Variants in ADGRL1 observed in about 807,000 individuals in gnomAD.
ADGRL1 encodes adhesion G protein-coupled receptor L1.
ADGRL1 carries 31 observed loss-of-function variants against 148.9 expected under a neutral mutation model. The ratio of observed to expected loss-of-function variants is 0.21; its 90% confidence interval spans 0.16 to 0.28. The LOEUF (loss-of-function observed/expected upper bound fraction) is 0.28, where lower values mean the gene tolerates loss of function less well. Ranked by LOEUF, ADGRL1 falls within the 10% of genes least tolerant of loss-of-function variation. ADGRL1 has a pLI of 1.00. For missense variants in ADGRL1, 1,521 were observed against 2,058.8 expected (o/e 0.74, Z 5.05); for synonymous variants, 937 against 900.3 (o/e 1.04, Z -0.73).
intron 4 of ADGRL1, among the ~76,000 whole-genome samples, chr19:14,165,685 A>T (rs1212401053): frequency 1.3e-5 from 2 of 148,356 alleles, no homozygotes; most frequent in East Asian, 2.0e-4. Flanking sequence ...AGGGAGAGAG[A>T]CTCCAGGAGA....
chr19:14,183,512 C>G, intron 2 of ADGRL1, 21 bp downstream of exon 2: 2 of 1,557,154 alleles, frequency 1.3e-6, no homozygotes, highest in Non-Finnish European at 1.7e-6. Context: ...GCGGCCCCTC[C>G]CCGGCCCCAG....
chr19:14,158,197 C>T, intron 12 of ADGRL1, 141 bp downstream of exon 12: 1 of 1,225,306 alleles, frequency 8.2e-7, no homozygotes, highest in Non-Finnish European at 1.2e-6. Context: ...TCTGAGAGCT[C>T]TGGGGACAAA....
chr19:14,201,063 G>C (rs1972570288), intron 1 of ADGRL1, among the ~76,000 whole-genome samples: 1 of 152,140 alleles, frequency 6.6e-6, no homozygotes, highest in African/African-American at 2.4e-5. Flanking sequence ...AAGAGGCTAG[G>C]GTGGCCTCTG....
At chr19:14,186,963 CCT>C (rs1212428543) in intron 1 of ADGRL1, among the ~76,000 whole-genome samples, 3 of 152,336 alleles carry the variant, frequency 2.0e-5, no homozygotes, top group South Asian at 2.1e-4. Context: ...CATCCTTTTC[CCT>C]GTTTTTAATT....
rs1555779257 is a variant in ADGRL1 at position 14,151,046 on chromosome 19, CG to C, written c.4236del (p.Gly1413AlafsTer115). The C allele has an allele frequency of 3.4e-5, 10 of 293,718 alleles. No individual in the cohort carries two copies. The highest frequency in any genetic ancestry group is 2.1e-4 in the Admixed American group (1 of 4,672). The allele number at this position is 293,718 out of a possible 1,614,324, so 18.2% of individuals were successfully genotyped here. On this transcript the variant is annotated frameshift_variant, in exon 23 of 23. Transcript: ENST00000361434. LOFTEE classifies it high-confidence loss of function. ...EALPPPPPAPPGPPEIYYTSR... is the reference protein window; with the variant it reads ...EALPPPPPAPXGPPEIYYTSR... Reference sequence around the variant, plus strand: ...GAGGTGTAGTAGATTTCGGGGGGGCCGGGGGGTGCGGGAGGGGGTGGGGGCA... The same window carrying C: ...GAGGTGTAGTAGATTTCGGGGGGGCCGGGGGTGCGGGAGGGGGTGGGGGCA...
intron 1 of ADGRL1, among the ~76,000 whole-genome samples, chr19:14,184,642 A>T (rs77499476): frequency 0.092 from 9,799 of 106,958 alleles, 576 homozygotes; most frequent in African/African-American, 0.16. Context: ...TTATTTATTT[A>T]TTTATTTTTT....
At chr19:14,189,748 A>C (rs187828656) in intron 1 of ADGRL1, among the ~76,000 whole-genome samples, 1 of 152,336 alleles carries the variant, frequency 6.6e-6, no homozygotes, top group East Asian at 1.9e-4. Context: ...CATCATTGAC[A>C]AATAGAAATT....
chr19:14,176,071 G>T (rs562957321), intron 3 of ADGRL1, among the ~76,000 whole-genome samples: 3 of 150,834 alleles, frequency 2.0e-5, no homozygotes, highest in Admixed American at 1.3e-4. Flanking sequence ...AACAAAACAG[G>T]CCGGGCGCAG....
At chr19:14,177,381 C>T (rs1970893894) in intron 3 of ADGRL1, 150 bp downstream of exon 3, 5 of 716,662 alleles carry the variant, frequency 7.0e-6, no homozygotes, top group Non-Finnish European at 4.8e-6. Flanking sequence ...GTCTTATTCT[C>T]GTCTGCATGG....
intron 1 of ADGRL1, among the ~76,000 whole-genome samples, chr19:14,197,107 TA>T (rs1005999526): frequency 6.6e-6 from 1 of 151,982 alleles, no homozygotes; most frequent in Non-Finnish European, 1.5e-5. Flanking sequence ...ATCCTGTCTC[TA>T]CAAAAATTTA....
chr19:14,159,379 C>T lies in ADGRL1; in HGVS notation c.2023+22G>A. On this transcript the variant is annotated intron_variant, in intron 10 of 22. Coordinates refer to ENST00000361434, the MANE Select transcript of ADGRL1 (RefSeq NM_014921.5). The surrounding 1 kb of genome is among the most constrained non-coding windows in gnomAD (Gnocchi z 6.0). ...GTTTAAGGTTCGTATCTGAGTTTGCCCTGGGTGACTGTGGCACTCACCCAC... is the reference window on the plus strand; with the variant it reads ...GTTTAAGGTTCGTATCTGAGTTTGCTCTGGGTGACTGTGGCACTCACCCAC... The T allele has an allele frequency of 6.3e-7, 1 of 1,593,430 alleles. No homozygotes were observed. The highest frequency in any genetic ancestry group is 8.6e-7 in the Non-Finnish European group (1 of 1,166,670).
chr19:14,174,433 C>T (rs557008719), intron 3 of ADGRL1, among the ~76,000 whole-genome samples: 209 of 152,154 alleles, frequency 1.4e-3, no homozygotes, highest in African/African-American at 4.7e-3. Flanking sequence ...CCAGCCCAGC[C>T]CAGCCCAGCT....
chr19:14,202,063 G>T (rs74183066), intron 1 of ADGRL1, among the ~76,000 whole-genome samples: 25,614 of 151,866 alleles, frequency 0.17, 2,498 homozygotes, highest in Non-Finnish European at 0.22. Flanking sequence ...CCCGGGGTAG[G>T]ATCACACTTA....
rs1041513548 is a variant in ADGRL1 at position 14,148,548 on chromosome 19, C to G, written c.*2325G>C. The G allele has an allele frequency of 4.6e-5, 7 of 152,594 alleles. No individual in the cohort carries two copies. The highest frequency in any genetic ancestry group is 2.0e-4 in the Admixed American group (3 of 15,280). 9.5% of individuals were successfully genotyped at this position (152,594 alleles called of 1,614,324 possible). The stretch of plus-strand genomic sequence containing the variant: ...TGCCCGCTCTTCACAGACCTCTGAC[C>G]ACCCCTCCACACAACAGAGCTCCCA... On this transcript the variant is annotated 3_prime_UTR_variant, in exon 23 of 23. Transcript: ENST00000361434.
chr19:14,195,715 C>T (rs1274584886), intron 1 of ADGRL1, among the ~76,000 whole-genome samples: 1 of 152,182 alleles, frequency 6.6e-6, no homozygotes, highest in Non-Finnish European at 1.5e-5. Flanking sequence ...GTTGAAGCCC[C>T]TGAATTTCAA....
In ADGRL1 at chr19:14,161,682, T is replaced by C. The variant is rs763817063; in HGVS notation, c.1196-56A>G. 8.0e-7 allele frequency: 1 copy of C among 1,245,816 alleles called. No individual in the cohort carries two copies. The highest frequency in any genetic ancestry group is 1.0e-6 in the Non-Finnish European group (1 of 968,596). The allele number at this position is 1,245,816 out of a possible 1,614,324, so 77.2% of individuals were successfully genotyped here. On this transcript the variant is annotated intron_variant, in intron 5 of 22. Transcript: ENST00000361434. This position sits in a 1 kb window ranked among gnomAD's most constrained non-coding sequence, Gnocchi z 4.4. ...CCATGCTCAGGGCCATGCCACAGTGTGCTTGGGCAGGGGGTCCCAGGCCAT... is the reference window on the plus strand; with the variant it reads ...CCATGCTCAGGGCCATGCCACAGTGCGCTTGGGCAGGGGGTCCCAGGCCAT...
At chr19:14,181,033 G>A (rs569181007) in intron 2 of ADGRL1, among the ~76,000 whole-genome samples, 1 of 152,130 alleles carries the variant, frequency 6.6e-6, no homozygotes, top group East Asian at 1.9e-4. Context: ...GGGCGACAGA[G>A]CGAGACTCCA....
In ADGRL1 at chr19:14,158,024, G is replaced by A; in HGVS notation, c.2393C>T (p.Ser798Phe). The A allele has an allele frequency of 6.2e-7, 1 of 1,614,186 alleles. No homozygotes were observed. The highest frequency in any genetic ancestry group is 8.5e-7 in the Non-Finnish European group (1 of 1,180,024). ...EDKNHFNANC[S>F]FWNYSERSML... is the part of the protein sequence containing the mutation. Reference sequence around the variant, plus strand: ...GGAACGCTCCGAGTAGTTCCAGAAGGAGCAGTTAGCATTGAAGTGGTTCTT... The same window carrying A: ...GGAACGCTCCGAGTAGTTCCAGAAGAAGCAGTTAGCATTGAAGTGGTTCTT... Residue 798 changes from serine (S) to phenylalanine (F), a missense_variant, in exon 13 of 23, where the codon TCC (serine) becomes TTC (phenylalanine). Coordinates refer to ENST00000361434, the MANE Select transcript of ADGRL1 (RefSeq NM_014921.5).
chr19:14,187,844 T>A (rs1156345944), intron 1 of ADGRL1, among the ~76,000 whole-genome samples: 1 of 152,006 alleles, frequency 6.6e-6, no homozygotes, highest in Non-Finnish European at 1.5e-5. Flanking sequence ...GGAGGCAGTG[T>A]CCCCAAGCTG....
Sources: gnomAD v4.1 joint callset for allele counts (sites outside exome capture counted in the v4.1 genomes callset) on GRCh38, gnomAD v4.1.1 for gene constraint, Gnocchi (gnomAD v3.1) non-coding constraint, MANE v1.5 for transcripts, NCBI Gene and HGNC (gene_info 2026-07-23, HGNC 2026-07-21) for gene names.